LIN52: variants seen among roughly 807,000 people sequenced by gnomAD.
The protein encoded by LIN52 is lin-52 DREAM MuvB core complex component.
A neutral mutation model predicts 18.5 loss-of-function variants in LIN52; 4 were observed. The ratio of observed to expected loss-of-function variants is 0.22; its 90% CI spans 0.11 to 0.49. LIN52 has a LOEUF of 0.49. Ranked by LOEUF, LIN52 falls within the 20% of genes least tolerant of loss-of-function variation. The probability of loss-of-function intolerance (pLI) is 0.97; values close to 1 mark genes in which losing one functional copy is unlikely to be tolerated. For synonymous variants in LIN52, 34 were observed against 45.5 expected (o/e 0.75, Z 1.02); for missense variants, 102 against 139.5 (o/e 0.73, Z 1.35).
At chr14:74,154,379 G>A (rs1053977842) in intron 5 of LIN52, among the ~76,000 whole-genome samples, 2 of 152,164 alleles carry the variant, frequency 1.3e-5, no homozygotes, top group Non-Finnish European at 2.9e-5. Flanking sequence ...ATCATAATGA[G>A]CTCTATAAGG....
intron 5 of LIN52, among the ~76,000 whole-genome samples, chr14:74,118,458 C>T (rs2060977175): frequency 6.6e-6 from 1 of 152,082 alleles, no homozygotes; most frequent in African/African-American, 2.4e-5. Context: ...CCCCTGTAAC[C>T]GTTGGTCAAA....
intron 5 of LIN52, among the ~76,000 whole-genome samples, chr14:74,132,546 G>T (rs1440238058): frequency 1.3e-5 from 2 of 152,098 alleles, no homozygotes; most frequent in East Asian, 3.9e-4. Flanking sequence ...GTCTTACTCT[G>T]TCGCCAGGCT....
intron 1 of LIN52, among the ~76,000 whole-genome samples, chr14:74,090,770 G>T (rs891529753): frequency 1.3e-5 from 2 of 152,168 alleles, no homozygotes; most frequent in Non-Finnish European, 2.9e-5. Context: ...GCAGTGGGGG[G>T]TTGTGTACAA....
chr14:74,199,054 C>A lies in LIN52; in HGVS notation c.*77C>A. 1 of 1,033,096 alleles carries A rather than the reference C, an allele frequency of 9.7e-7. No homozygotes were observed. The highest frequency in any genetic ancestry group is 1.5e-6 in the Non-Finnish European group (1 of 659,404). The allele number at this position is 1,033,096 out of a possible 1,614,324, so 64.0% of individuals were successfully genotyped here. A position where few individuals can be genotyped will look rare whatever the true frequency, so the allele number is the denominator to read the frequency against. On this transcript the variant is annotated 3_prime_UTR_variant, in exon 6 of 6. Coordinates refer to ENST00000555028, the MANE Select transcript of LIN52 (RefSeq NM_001024674.3). ...GGTGCACCTCTAACAATGCACACCTCACTGCTTGCTTGGGAGAGGCCAGAG... is the reference window on the plus strand; with the variant it reads ...GGTGCACCTCTAACAATGCACACCTAACTGCTTGCTTGGGAGAGGCCAGAG...
In LIN52 at chr14:74,130,870, C is replaced by T. The variant is rs887185325; in HGVS notation, c.283+29632C>T. Among the ~76,000 whole-genome samples the T allele has an allele frequency of 2.0e-5, 3 of 150,944 alleles. No homozygotes were observed. The East Asian group carries it at 5.8e-4, about 29-fold the overall frequency. On this transcript the variant is annotated intron_variant, in intron 5 of 5. Transcript: ENST00000555028. ...CAAAGTGCTAGGATTACAGGCATGA[C>T]CCACCGTGCCCGGCCCTAAATAGGC...
intron 5 of LIN52, among the ~76,000 whole-genome samples, chr14:74,159,567 G>GTTTTTTT (rs11288935): frequency 7.5e-6 from 1 of 133,590 alleles, no homozygotes. Flanking sequence ...TGTGGGGTTT[G>GTTTTTTT]TTTTTTTTTT....
chr14:74,138,199 C>G (rs1366527013), intron 5 of LIN52, among the ~76,000 whole-genome samples: 1 of 152,120 alleles, frequency 6.6e-6, no homozygotes, highest in African/African-American at 2.4e-5. Flanking sequence ...TCCGCACATT[C>G]AGAAAACAGA....
chr14:74,171,942 A>G (rs2061273375), intron 5 of LIN52, among the ~76,000 whole-genome samples: 1 of 151,964 alleles, frequency 6.6e-6, no homozygotes, highest in Non-Finnish European at 1.5e-5. Context: ...ATTTTGCCAT[A>G]TTGGCCAGGC....
chr14:74,149,701 T>G (rs2061168228), intron 5 of LIN52, among the ~76,000 whole-genome samples: 1 of 152,204 alleles, frequency 6.6e-6, no homozygotes, highest in Non-Finnish European at 1.5e-5. Flanking sequence ...TAATTTAGCT[T>G]ATAGTTGAAA....
At chr14:74,086,946 T>G (rs1486426922) in intron 1 of LIN52, among the ~76,000 whole-genome samples, 1 of 142,420 alleles carries the variant, frequency 7.0e-6, no homozygotes, top group African/African-American at 2.7e-5. Context: ...TTCACCACAG[T>G]TGAAAAAAAA....
chr14:74,124,872 G>A (rs796643221), intron 5 of LIN52, among the ~76,000 whole-genome samples: 12 of 146,466 alleles, frequency 8.2e-5, no homozygotes, highest in African/African-American at 3.0e-4. Context: ...CATGGGTTTA[G>A]ATATGATGCC....
At chr14:74,137,498 C>CTCTTTTTTTTTTTTTTTTT (rs776969152) in intron 5 of LIN52, among the ~76,000 whole-genome samples, 1 of 111,622 alleles carries the variant, frequency 9.0e-6, no homozygotes, top group African/African-American at 3.7e-5. Flanking sequence ...CAGCAGCTCT[C>CTCTTTTTTTTTTTTTTTTT]TTTTTTTTTT....
chr14:74,177,164 A>C (rs1299388948), intron 5 of LIN52, among the ~76,000 whole-genome samples: 1 of 151,912 alleles, frequency 6.6e-6, no homozygotes, highest in South Asian at 2.1e-4. Context: ...ACACCCGGCT[A>C]ATTTTGTATC....
At chr14:74,124,810 C>CAAAAAAAAAAAA (rs5809648) in intron 5 of LIN52, among the ~76,000 whole-genome samples, 1 of 59,442 alleles carries the variant, frequency 1.7e-5, no homozygotes, top group African/African-American at 6.7e-5. Flanking sequence ...GACCCTGTCT[C>CAAAAAAAAAAAA]AAAAAAAAAA....
chr14:74,185,050 T>C (rs151205950), intron 5 of LIN52, among the ~76,000 whole-genome samples: 11 of 152,034 alleles, frequency 7.2e-5, no homozygotes, highest in African/African-American at 2.7e-4. Flanking sequence ...CCTGGTTCAC[T>C]TACTTCTCCA....
At chr14:74,130,278 G>GTTTT (rs71460958) in intron 5 of LIN52, among the ~76,000 whole-genome samples, 8 of 64,820 alleles carry the variant, frequency 1.2e-4, no homozygotes, top group South Asian at 1.4e-3. Flanking sequence ...GCATTTTTTG[G>GTTTT]TTTTTTTTTT....
intron 5 of LIN52, among the ~76,000 whole-genome samples, chr14:74,157,638 T>C (rs2061205352): frequency 6.8e-6 from 1 of 147,290 alleles, no homozygotes; most frequent in Non-Finnish European, 1.5e-5. Flanking sequence ...TTTTTTGATA[T>C]TTTTTTTTTC....
At chr14:74,087,980 A>G (rs1427140914) in intron 1 of LIN52, among the ~76,000 whole-genome samples, 2 of 152,158 alleles carry the variant, frequency 1.3e-5, no homozygotes, top group East Asian at 1.9e-4. Flanking sequence ...ATGCAGTGAT[A>G]TGATTATAGC....
intron 5 of LIN52, among the ~76,000 whole-genome samples, chr14:74,121,904 G>C (rs1051486580): frequency 6.6e-6 from 1 of 151,826 alleles, no homozygotes; most frequent in African/African-American, 2.4e-5. Context: ...TGGATTTTTA[G>C]TGGAGACGGG....
Sources: gnomAD v4.1 joint callset for allele counts (sites outside exome capture counted in the v4.1 genomes callset) on GRCh38, gnomAD v4.1.1 for gene constraint, MANE v1.5 for transcripts, NCBI Gene and HGNC (gene_info 2026-07-23, HGNC 2026-07-21) for gene names.